Variants in SRPK2 observed in about 807,000 individuals in gnomAD.
SRPK2 encodes the protein SFRS protein kinase 2.
A neutral mutation model predicts 90.8 loss-of-function variants in SRPK2; 21 were observed. The ratio of observed to expected loss-of-function variants is 0.23; its 90% CI spans 0.16 to 0.33. The LOEUF is 0.33. Ranked by LOEUF, SRPK2 falls within the 10% of genes least tolerant of loss-of-function variation. SRPK2 has a pLI of 1.00. For missense variants in SRPK2, 620 were observed against 869.0 expected (o/e 0.71, Z 3.60); for synonymous variants, 288 against 311.1 (o/e 0.93, Z 0.78).
intron 2 of SRPK2, among the ~76,000 whole-genome samples, chr7:105,385,855 A>G (rs1446248034): frequency 1.3e-5 from 2 of 152,232 alleles, no homozygotes; most frequent in East Asian, 3.8e-4. Flanking sequence ...CAATCGACAG[A>G]GTGACTGGCA....
intron 3 of SRPK2, among the ~76,000 whole-genome samples, chr7:105,174,012 A>G (rs1396479154): frequency 6.8e-6 from 1 of 147,250 alleles, no homozygotes; most frequent in African/African-American, 2.5e-5. Flanking sequence ...TGGAAGGCTG[A>G]GGCAGGTGGA....
chr7:105,260,822 G>A (rs1197314663), intron 2 of SRPK2, among the ~76,000 whole-genome samples: 1 of 147,508 alleles, frequency 6.8e-6, no homozygotes, highest in Non-Finnish European at 1.5e-5. Context: ...TCGTAGGTGG[G>A]AGTTTAATAA....
chr7:105,190,060 T>C (rs1367829439), intron 3 of SRPK2, among the ~76,000 whole-genome samples: 3 of 152,012 alleles, frequency 2.0e-5, no homozygotes, highest in Non-Finnish European at 4.4e-5. Context: ...ATTCTCTTAG[T>C]GGGTAATGGC....
chr7:105,172,106 C>G (rs975405470), intron 3 of SRPK2, among the ~76,000 whole-genome samples: 1 of 152,106 alleles, frequency 6.6e-6, no homozygotes, highest in African/African-American at 2.4e-5. Flanking sequence ...GTTGGTCAGG[C>G]TGGTCTCTAA....
chr7:105,125,113 G>C (rs1437282123), intron 15 of SRPK2, among the ~76,000 whole-genome samples: 5 of 123,332 alleles, frequency 4.1e-5, no homozygotes, highest in East Asian at 2.2e-4. Flanking sequence ...CTGGGCAACA[G>C]AGCAAGACTC....
chr7:105,379,155 A>C (rs1820646893), intron 2 of SRPK2, among the ~76,000 whole-genome samples: 1 of 150,826 alleles, frequency 6.6e-6, no homozygotes, highest in African/African-American at 2.4e-5. Flanking sequence ...CTCTAAAAAA[A>C]AATATATATA....
intron 7 of SRPK2, among the ~76,000 whole-genome samples, chr7:105,156,976 G>A (rs999796799): frequency 1.3e-5 from 2 of 152,180 alleles, no homozygotes; most frequent in Non-Finnish European, 2.9e-5. Flanking sequence ...TCAGCAAACA[G>A]GCAATGGGAA....
rs138604514 is a variant in SRPK2 at position 105,258,357 on chromosome 7, T to C, written c.72-54572A>G. Among the ~76,000 whole-genome samples the C allele has an allele frequency of 8.4e-5, 11 of 131,546 alleles. No individual in the cohort carries two copies. In the East Asian group the frequency reaches 1.3e-3, roughly 16 times the overall value. The allele number at this position is 131,546 out of a possible 152,430, so 86.3% of individuals were successfully genotyped here. ...GCTTGAACCCGGGAGGCAGAGGTAATAGTGAGCCGAGATCATGCCATTGCA... is the reference window on the plus strand; with the variant it reads ...GCTTGAACCCGGGAGGCAGAGGTAACAGTGAGCCGAGATCATGCCATTGCA... On this transcript the variant is annotated intron_variant, in intron 2 of 15. Coordinates refer to ENST00000393651, the MANE Select transcript of SRPK2 (RefSeq NM_182692.3).
rs533582260 is a variant in SRPK2, at chr7:105,372,980, T to C, written c.71+15668A>G. On this transcript the variant is annotated intron_variant, in intron 2 of 15. Transcript: ENST00000393651. Reference sequence around the variant, plus strand: ...GTCATGTGCCTGTAATCCCAGCTACTTGGGCCACTGAGGCAGGAGAATCAC... The same window carrying C: ...GTCATGTGCCTGTAATCCCAGCTACCTGGGCCACTGAGGCAGGAGAATCAC... 3.3e-5 allele frequency among the ~76,000 whole-genome samples: 5 copies of C among 152,222 alleles called. No homozygotes were observed. In the East Asian group the frequency reaches 9.7e-4, roughly 29 times the overall value.
At chr7:105,219,746 A>T (rs1797876706) in intron 2 of SRPK2, among the ~76,000 whole-genome samples, 1 of 152,228 alleles carries the variant, frequency 6.6e-6, no homozygotes, top group South Asian at 2.1e-4. Context: ...TGATTTCATA[A>T]TCTGACAGTG....
intron 2 of SRPK2, among the ~76,000 whole-genome samples, chr7:105,278,859 G>A (rs940052189): frequency 1.3e-5 from 2 of 151,752 alleles, no homozygotes; most frequent in African/African-American, 4.8e-5. Flanking sequence ...CATTATGGCT[G>A]CATTATAACC....
chr7:105,195,148 G>A (rs972210851), intron 3 of SRPK2, among the ~76,000 whole-genome samples: 1 of 152,134 alleles, frequency 6.6e-6, no homozygotes, highest in African/African-American at 2.4e-5. Context: ...CTCCCACGTT[G>A]AAGTGATTCT....
chr7:105,328,668 TC>T (rs1366055489), intron 2 of SRPK2, among the ~76,000 whole-genome samples: 1 of 148,040 alleles, frequency 6.8e-6, no homozygotes, highest in African/African-American at 2.5e-5. Context: ...ATCGAGACCA[TC>T]CTTGCTAACA....
At chr7:105,394,145 C>CTTTTT (rs746514839), upstream of SRPK2, among the ~76,000 whole-genome samples, 3 of 139,942 alleles carry the variant, frequency 2.1e-5, no homozygotes, top group Non-Finnish European at 3.1e-5. Context: ...TTCTTTCTTT[C>CTTTTT]TTTTTTTTTT....
intron 2 of SRPK2, among the ~76,000 whole-genome samples, chr7:105,304,698 C>T (rs1413655078): frequency 6.6e-6 from 1 of 152,152 alleles, no homozygotes; most frequent in African/African-American, 2.4e-5. Context: ...CAAAGAAAAA[C>T]TGATAAACTG....
At position 105,117,209 on chromosome 7, in the gene SRPK2, G is replaced by GT. The variant is rs1799716272; in HGVS notation, c.*628dup. ...GTTTAAAATCCAATGTGAAAAGACT[G>GT]TTATGGAATGAAAAGTTTGCACAAC... On this transcript the variant is annotated 3_prime_UTR_variant, in exon 16 of 16. Coordinates refer to ENST00000393651, the MANE Select transcript of SRPK2 (RefSeq NM_182692.3). 1 of 152,364 alleles carries GT rather than the reference G, an allele frequency of 6.6e-6. No individual in the cohort carries two copies. The highest frequency in any genetic ancestry group is 1.5e-5 in the Non-Finnish European group (1 of 68,070). 9.4% of individuals were successfully genotyped at this position (152,364 alleles called of 1,614,324 possible).
chr7:105,166,629 A>G (rs1790103747), intron 6 of SRPK2, among the ~76,000 whole-genome samples: 1 of 152,218 alleles, frequency 6.6e-6, no homozygotes, highest in Non-Finnish European at 1.5e-5. Context: ...TTCTCCCAAT[A>G]AGTTTGTAAA....
chr7:105,379,257 T>C lies in SRPK2; in HGVS notation c.71+9391A>G, dbSNP rs994436070. Among the ~76,000 whole-genome samples, 49 of 151,510 alleles carry C rather than the reference T, an allele frequency of 3.2e-4. 1 individual carries two copies. Among genetic ancestry groups the C allele is most frequent in the Admixed American group, 3.2e-3 (49 of 15,174 alleles). Reference sequence around the variant, plus strand: ...AAAACAATCAAAAGTAAATAAATAATAACAAAATAAAAACTACAAATTAAA... The same window carrying C: ...AAAACAATCAAAAGTAAATAAATAACAACAAAATAAAAACTACAAATTAAA... On this transcript the variant is annotated intron_variant, in intron 2 of 15. Transcript: ENST00000393651.
At chr7:105,186,092 T>A (rs796208679) in intron 3 of SRPK2, among the ~76,000 whole-genome samples, 9 of 152,252 alleles carry the variant, frequency 5.9e-5, no homozygotes, top group Admixed American at 5.9e-4. Context: ...AAAGGTTTCA[T>A]CTTGATTTAT....
Sources: allele counts gnomAD v4.1 joint callset (sites outside exome capture counted in the v4.1 genomes callset), GRCh38; gene constraint gnomAD v4.1.1; transcripts MANE v1.5; gene names NCBI Gene and HGNC (gene_info 2026-07-23, HGNC 2026-07-21).